CRYBG1: variants seen among roughly 807,000 people sequenced by gnomAD.
CRYBG1 encodes the protein crystallin beta-gamma domain containing 1.
A neutral mutation model predicts 189.2 loss-of-function variants in CRYBG1; 139 were observed. The observed-to-expected ratio is 0.73, with a 90% CI of 0.64 to 0.85. The LOEUF (loss-of-function observed/expected upper bound fraction) is 0.85, where lower values mean the gene tolerates loss of function less well. Among genes scored for constraint, CRYBG1 ranks in the 40% least tolerant of loss-of-function variants. The pLI is 0.00. For synonymous variants in CRYBG1, 1,023 were observed against 1,017.1 expected, an observed-to-expected ratio of 1.01 and a Z score of -0.11; for missense variants, 2,611 against 2,675.8, an observed-to-expected ratio of 0.98 and a Z score of 0.53.
chr6:106,365,970 G>A lies in CRYBG1; in HGVS notation c.173+4889G>A, dbSNP rs1345506537. 2.0e-5 allele frequency among the ~76,000 whole-genome samples: 3 copies of A among 152,062 alleles called. No individual in the cohort carries two copies. The East Asian group carries it at 5.8e-4, about 29-fold the overall frequency. On this transcript the variant is annotated intron_variant, in intron 1 of 21. Coordinates refer to ENST00000633556, the MANE Select transcript of CRYBG1 (RefSeq NM_001371242.2). ...ATCCCTTAGTTTTTCTGTACTCAGTGGACCTTTCCCTTCTATAAAGAGAAA... is the reference window on the plus strand; with the variant it reads ...ATCCCTTAGTTTTTCTGTACTCAGTAGACCTTTCCCTTCTATAAAGAGAAA...
Position 106,568,962 on chromosome 6 carries a change from A to G in CRYBG1, c.*396A>G, listed in dbSNP as rs1217234143. 6.0e-6 allele frequency: 1 copy of G among 167,902 alleles called. No homozygotes were observed. Among genetic ancestry groups the G allele is most frequent in the African/African-American group, 2.5e-5 (1 of 39,320 alleles). 10.4% of individuals were successfully genotyped at this position (167,902 alleles called of 1,614,324 possible). On this transcript the variant is annotated 3_prime_UTR_variant, in exon 22 of 22. Coordinates refer to ENST00000633556, the MANE Select transcript of CRYBG1 (RefSeq NM_001371242.2). The stretch of plus-strand genomic sequence containing the variant: ...CTTTGTGGACCTACAAAGCCCTTAC[A>G]CTTTAAAGGGTAAGACAAAGGCTTA...
intron 1 of CRYBG1, among the ~76,000 whole-genome samples, chr6:106,423,694 CCTTTTTT>C (rs1453707888): frequency 0.095 from 9,529 of 100,652 alleles, 762 homozygotes; most frequent in East Asian, 0.13. Flanking sequence ...TTCTCCCTCC[CCTTTTTT>C]TTTTTTTTTT....
Position 106,426,311 on chromosome 6 carries a change from A to T in CRYBG1, c.174-25383A>T, listed in dbSNP as rs574975368. Among the ~76,000 whole-genome samples, 7 of 152,258 alleles carry T rather than the reference A, an allele frequency of 4.6e-5. No individual in the cohort carries two copies. In the South Asian group the frequency reaches 1.5e-3, roughly 32 times the overall value. On this transcript the variant is annotated intron_variant, in intron 1 of 21. Transcript: ENST00000633556. ...TTATTCTTCCTTTCTCTACTGGGGC[A>T]TTCCTATCAACATACAGATGTGCTG...
intron 1 of CRYBG1, among the ~76,000 whole-genome samples, chr6:106,385,004 T>G (rs1260797324): frequency 6.6e-6 from 1 of 152,164 alleles, no homozygotes; most frequent in Non-Finnish European, 1.5e-5. Context: ...ATCTGCCGAC[T>G]TGAACATAGT....
At chr6:106,374,900 A>G (rs1221657527) in intron 1 of CRYBG1, among the ~76,000 whole-genome samples, 1 of 152,214 alleles carries the variant, frequency 6.6e-6, no homozygotes, top group East Asian at 1.9e-4. Context: ...ACATCAGCAA[A>G]GCAGGAATGA....
At chr6:106,566,073 T>G (rs1289013216) in intron 21 of CRYBG1, among the ~76,000 whole-genome samples, 1 of 151,924 alleles carries the variant, frequency 6.6e-6, no homozygotes, top group Non-Finnish European at 1.5e-5. Context: ...CTATGATCCT[T>G]AGCTAGAGCT....
chr6:106,374,190 T>C (rs1268118633), intron 1 of CRYBG1, among the ~76,000 whole-genome samples: 1 of 152,212 alleles, frequency 6.6e-6, no homozygotes, highest in African/African-American at 2.4e-5. Flanking sequence ...CTAGAGAAGC[T>C]GCAATATTCA....
chr6:106,549,511 G>T (rs962754592), intron 13 of CRYBG1, among the ~76,000 whole-genome samples: 3 of 152,014 alleles, frequency 2.0e-5, no homozygotes, highest in Non-Finnish European at 2.9e-5. Context: ...GGCTGAGGTG[G>T]GTGGATCACT....
chr6:106,522,161 A>G (rs1054886318), intron 4 of CRYBG1, among the ~76,000 whole-genome samples: 2 of 152,226 alleles, frequency 1.3e-5, no homozygotes, highest in African/African-American at 4.8e-5. Context: ...GCTCAGTGCT[A>G]TACTTAGAAT....
At chr6:106,367,040 GAAGCCAAGGCT>G (rs778217203) in intron 1 of CRYBG1, among the ~76,000 whole-genome samples, 92 of 152,178 alleles carry the variant, frequency 6.0e-4, no homozygotes, top group Non-Finnish European at 1.0e-3. Flanking sequence ...TCTCACTGAG[GAAGCCAAGGCT>G]AAACTTTCTA....
intron 1 of CRYBG1, among the ~76,000 whole-genome samples, chr6:106,423,404 T>C (rs537163726): frequency 3.9e-4 from 59 of 152,158 alleles, no homozygotes; most frequent in Admixed American, 3.1e-3. Context: ...AAAATTCCTT[T>C]ATCTTTCTTA....
intron 1 of CRYBG1, among the ~76,000 whole-genome samples, chr6:106,436,379 G>A (rs955063418): frequency 3.3e-5 from 5 of 151,266 alleles, no homozygotes; most frequent in Non-Finnish European, 5.9e-5. Context: ...GCCCACTGCA[G>A]GCTCCGCCTC....
At chr6:106,534,087 G>A (rs1773935078) in intron 8 of CRYBG1, among the ~76,000 whole-genome samples, 1 of 152,066 alleles carries the variant, frequency 6.6e-6, no homozygotes, top group South Asian at 2.1e-4. Flanking sequence ...TAAAGAATTG[G>A]TGTCAGGTTG....
At chr6:106,376,548 G>A (rs1770166988) in intron 1 of CRYBG1, among the ~76,000 whole-genome samples, 1 of 152,104 alleles carries the variant, frequency 6.6e-6, no homozygotes, top group South Asian at 2.1e-4. Flanking sequence ...TTGTTACTTC[G>A]CAGAAGGCCA....
chr6:106,388,275 G>A (rs1770429872), intron 1 of CRYBG1, among the ~76,000 whole-genome samples: 1 of 150,134 alleles, frequency 6.7e-6, no homozygotes, highest in African/African-American at 2.5e-5. Flanking sequence ...GTTCATCTTG[G>A]CACCTCCCAA....
chr6:106,364,417 T>A lies in CRYBG1; in HGVS notation c.173+3336T>A, dbSNP rs13218200. Among the ~76,000 whole-genome samples, 1,262 of 152,346 alleles carry A rather than the reference T, an allele frequency of 8.3e-3. 11 individuals are homozygous for A. Among genetic ancestry groups the A allele is most frequent in the Non-Finnish European group, 0.013 (903 of 68,036 alleles). On this transcript the variant is annotated intron_variant, in intron 1 of 21. Transcript: ENST00000633556. Reference sequence around the variant, plus strand: ...TCAGATTTTCGTATTCTGCAAATATTTGTGGCTTTTGGTATAGACATTCTA... The same window carrying A: ...TCAGATTTTCGTATTCTGCAAATATATGTGGCTTTTGGTATAGACATTCTA...
At chr6:106,558,271 C>T (rs1774607349) in intron 17 of CRYBG1, among the ~76,000 whole-genome samples, 1 of 151,492 alleles carries the variant, frequency 6.6e-6, no homozygotes, top group Non-Finnish European at 1.5e-5. Flanking sequence ...TTATATTTAC[C>T]TGCCTTCCTA....
chr6:106,562,236 A>T (rs1438514178), intron 20 of CRYBG1, among the ~76,000 whole-genome samples: 4 of 152,224 alleles, frequency 2.6e-5, no homozygotes, highest in African/African-American at 9.6e-5. Context: ...TGGAGGGGGA[A>T]TTCTTTCAGT....
intron 1 of CRYBG1, among the ~76,000 whole-genome samples, chr6:106,396,982 T>C (rs909007428): frequency 6.6e-6 from 1 of 152,208 alleles, no homozygotes; most frequent in Non-Finnish European, 1.5e-5. Flanking sequence ...GCCCAGCCAA[T>C]ACATGGATGT....
Sources: allele counts gnomAD v4.1 joint callset (sites outside exome capture counted in the v4.1 genomes callset), GRCh38; gene constraint gnomAD v4.1.1; transcripts MANE v1.5; gene names NCBI Gene and HGNC (gene_info 2026-07-23, HGNC 2026-07-21).